The following SH2D4A variants were observed in gnomAD, a reference collection of about 807,000 sequenced individuals.
The protein encoded by SH2D4A is SH2 domain-containing protein 4A.
A neutral mutation model predicts 64.7 loss-of-function variants in SH2D4A; 70 were observed. The ratio of observed to expected loss-of-function variants is 1.08; its 90% confidence interval spans 0.89 to 1.32. The LOEUF (loss-of-function observed/expected upper bound fraction) is 1.32. Ranked by LOEUF, SH2D4A falls within the 40% of genes most tolerant of loss-of-function variation. The pLI is 0.00. For synonymous variants in SH2D4A, 268 were observed against 200.7 expected (o/e 1.34, Z -2.83); for missense variants, 706 against 540.1 (o/e 1.31, Z -3.04).
chr8:19,346,822 A>C (rs970070705), intron 4 of SH2D4A, among the ~76,000 whole-genome samples: 20 of 152,198 alleles, frequency 1.3e-4, no homozygotes, highest in Non-Finnish European at 4.4e-5. Flanking sequence ...TCCTTCAATT[A>C]CAGGATGCCG....
chr8:19,382,823 C>CTTTTGTTTTTTTTTTTTTTTTTTTTTT (rs2053318726), intron 8 of SH2D4A, among the ~76,000 whole-genome samples: 1 of 64,618 alleles, frequency 1.5e-5, no homozygotes, highest in Non-Finnish European at 2.9e-5. Flanking sequence ...TTTTAAGATT[C>CTTTTGTTTTTTTTTTTTTTTTTTTTTT]TTTTTTTTTT....
intron 4 of SH2D4A, among the ~76,000 whole-genome samples, chr8:19,336,745 T>C (rs533951733): frequency 1.9e-3 from 287 of 152,102 alleles, no homozygotes; most frequent in African/African-American, 6.7e-3. Flanking sequence ...TGCATGCCTG[T>C]AGTCCTAGCA....
chr8:19,330,190 A>G (rs1300404497), intron 2 of SH2D4A, among the ~76,000 whole-genome samples: 6 of 152,176 alleles, frequency 3.9e-5, no homozygotes, highest in Admixed American at 3.9e-4. Context: ...TCATCCCCTC[A>G]TCTGATGTGA....
At chr8:19,343,722 G>T (rs1354975221) in intron 4 of SH2D4A, among the ~76,000 whole-genome samples, 2 of 152,178 alleles carry the variant, frequency 1.3e-5, no homozygotes, top group Non-Finnish European at 2.9e-5. Context: ...ATCCGTCAAG[G>T]TTTAATCTGT....
intron 2 of SH2D4A, among the ~76,000 whole-genome samples, chr8:19,323,947 C>G (rs1375576844): frequency 6.6e-6 from 1 of 152,194 alleles, no homozygotes; most frequent in African/African-American, 2.4e-5. Context: ...AGTGACACAG[C>G]TGGAATAGAT....
chr8:19,385,354 G>C (rs56040398), intron 8 of SH2D4A, among the ~76,000 whole-genome samples: 1,887 of 152,026 alleles, frequency 0.012, 17 homozygotes, highest in Non-Finnish European at 0.018. Flanking sequence ...GAATTACAAG[G>C]CATGGGCCAC....
At chr8:19,358,101 C>T (rs2052823025) in intron 5 of SH2D4A, among the ~76,000 whole-genome samples, 1 of 152,188 alleles carries the variant, frequency 6.6e-6, no homozygotes, top group South Asian at 2.1e-4. Context: ...TGATACAATA[C>T]ATACTTCTTT....
rs554162708 is a variant in SH2D4A, at chr8:19,370,536, GATATAA to G, written c.918-2988_918-2983del. ...TTTCAGCTTCAGGTCTGCTTTATAT[GATATAA>G]ATATAGCTACTCCTGTTGTCTTTTG... is the stretch of plus-strand genomic sequence containing the variant. On this transcript the variant is annotated intron_variant, in intron 7 of 9. Coordinates refer to ENST00000265807, the MANE Select transcript of SH2D4A (RefSeq NM_022071.4). Among the ~76,000 whole-genome samples, 1,203 of 152,084 alleles carry G rather than the reference GATATAA, an allele frequency of 7.9e-3. 9 individuals carry two copies. The highest frequency in any genetic ancestry group is 0.028 in the African/African-American group (1,146 of 41,506).
intron 5 of SH2D4A, among the ~76,000 whole-genome samples, chr8:19,359,270 C>CAGATTAAAGGAGTAGATTTATTAAATAT (rs2052841871): frequency 6.6e-6 from 1 of 152,022 alleles, no homozygotes; most frequent in African/African-American, 2.4e-5. Context: ...TAATTACATG[C>CAGATTAAAGGAGTAGATTTATTAAATAT]AGATTAAAGG....
chr8:19,395,185 T>C lies in SH2D4A; in HGVS notation c.*543T>C, dbSNP rs2053567964. 1 of 152,142 alleles carries C rather than the reference T, an allele frequency of 6.6e-6. No individual in the cohort carries two copies. Among genetic ancestry groups the C allele is most frequent in the African/African-American group, 2.4e-5 (1 of 41,444 alleles). The allele number at this position is 152,142 out of a possible 1,614,324, so 9.4% of individuals were successfully genotyped here. On this transcript the variant is annotated 3_prime_UTR_variant, in exon 10 of 10. Coordinates refer to ENST00000265807, the MANE Select transcript of SH2D4A (RefSeq NM_022071.4). Reference sequence around the variant, plus strand: ...GAAAAACAGAAGTCATGAATGTAAATTGAATGAGAGGCTTAACATGCATGA... The same window carrying C: ...GAAAAACAGAAGTCATGAATGTAAACTGAATGAGAGGCTTAACATGCATGA...
chr8:19,391,544 C>T (rs189526987), intron 8 of SH2D4A, among the ~76,000 whole-genome samples: 29 of 152,270 alleles, frequency 1.9e-4, no homozygotes, highest in African/African-American at 6.0e-4. Flanking sequence ...ATCTGCAAGT[C>T]GGGGAGACTG....
intron 7 of SH2D4A, 32 bp downstream of exon 7, chr8:19,364,314 A>C (rs758388148): frequency 3.1e-5 from 50 of 1,609,712 alleles, no homozygotes; most frequent in Non-Finnish European, 3.7e-5. Flanking sequence ...TTTATGCATA[A>C]ACATTGCAAT....
chr8:19,338,127 G>C (rs2052472764), intron 4 of SH2D4A, among the ~76,000 whole-genome samples: 1 of 152,174 alleles, frequency 6.6e-6, no homozygotes, highest in East Asian at 1.9e-4. Context: ...AGTGAATGCA[G>C]TTACTTCTCA....
At chr8:19,343,761 G>C (rs2052566647) in intron 4 of SH2D4A, among the ~76,000 whole-genome samples, 1 of 152,152 alleles carries the variant, frequency 6.6e-6, no homozygotes, top group South Asian at 2.1e-4. Context: ...GCGCCACGAG[G>C]AAGGCATAAG....
chr8:19,369,360 T>C (rs1342476585), intron 7 of SH2D4A, among the ~76,000 whole-genome samples: 3 of 152,122 alleles, frequency 2.0e-5, no homozygotes, highest in Non-Finnish European at 2.9e-5. Context: ...TAGAATGAGT[T>C]AGGAAGAATT....
chr8:19,388,745 C>T lies in SH2D4A; in HGVS notation c.1049-4573C>T, dbSNP rs115581472. ...TCTTAGAATAGAGGCAGTGGCTGCA[C>T]GGAAGTGTCCCACAGAAGGAAGTTT... On this transcript the variant is annotated intron_variant, in intron 8 of 9. Coordinates refer to ENST00000265807, the MANE Select transcript of SH2D4A (RefSeq NM_022071.4). Among the ~76,000 whole-genome samples, 122 of 152,286 alleles carry T rather than the reference C, an allele frequency of 8.0e-4. 1 individual carries two copies. Among genetic ancestry groups the T allele is most frequent in the African/African-American group, 2.6e-3 (106 of 41,548 alleles).
At position 19,368,424 on chromosome 8, in the gene SH2D4A, C is replaced by T. The variant is rs1308974095; in HGVS notation, c.917+4142C>T. 4.6e-5 allele frequency among the ~76,000 whole-genome samples: 7 copies of T among 152,194 alleles called. No homozygotes were observed. In the South Asian group the frequency reaches 1.5e-3, roughly 32 times the overall value. Reference sequence around the variant, plus strand: ...ATCATTGGTATTTTGATAGGAATTACATTGAATCAGATCTTTTTGGGTAGT... The same window carrying T: ...ATCATTGGTATTTTGATAGGAATTATATTGAATCAGATCTTTTTGGGTAGT... On this transcript the variant is annotated intron_variant, in intron 7 of 9. Coordinates refer to ENST00000265807, the MANE Select transcript of SH2D4A (RefSeq NM_022071.4).
At chr8:19,369,058 A>G (rs1332879821) in intron 7 of SH2D4A, among the ~76,000 whole-genome samples, 1 of 152,132 alleles carries the variant, frequency 6.6e-6, no homozygotes, top group African/African-American at 2.4e-5. Flanking sequence ...GAATTTTAGT[A>G]AATGCTTTAC....
chr8:19,351,886 C>T (rs1340395983), intron 4 of SH2D4A, among the ~76,000 whole-genome samples: 2 of 152,132 alleles, frequency 1.3e-5, no homozygotes, highest in South Asian at 2.1e-4. Flanking sequence ...CGGGTTCAAG[C>T]GATTCTTCTG....
Sources: allele counts gnomAD v4.1 joint callset (sites outside exome capture counted in the v4.1 genomes callset), GRCh38; gene constraint gnomAD v4.1.1; transcripts MANE v1.5; gene names NCBI Gene and HGNC (gene_info 2026-07-23, HGNC 2026-07-21).